SUSD4: variants seen among roughly 807,000 people sequenced by gnomAD.
SUSD4 encodes the protein sushi domain-containing protein 4.
In SUSD4, 41 loss-of-function variants were observed where a neutral mutation model predicts 50.5. That is an observed-to-expected ratio of 0.81 (90% CI 0.63 to 1.05). The LOEUF (loss-of-function observed/expected upper bound fraction) is 1.05. Ranked by LOEUF, SUSD4 falls within the 50% of genes least tolerant of loss-of-function variation. SUSD4 has a pLI of 0.00. For missense variants in SUSD4, 580 were observed against 634.7 expected (o/e 0.91, Z 0.93); for synonymous variants, 257 against 257.3 (o/e 1.00, Z 0.01).
chr1:223,334,921 C>G (rs952659259), intron 2 of SUSD4, among the ~76,000 whole-genome samples: 1 of 152,136 alleles, frequency 6.6e-6, no homozygotes, highest in Non-Finnish European at 1.5e-5. Context: ...CATTCTAATG[C>G]CTTTGCATCC....
chr1:223,351,874 G>A (rs747049651), intron 2 of SUSD4, among the ~76,000 whole-genome samples: 48 of 152,088 alleles, frequency 3.2e-4, no homozygotes, highest in Non-Finnish European at 6.0e-4. Context: ...GGCTGGTACA[G>A]TCTTTTGCAT....
At chr1:223,268,993 A>G (rs1311753119) in intron 3 of SUSD4, among the ~76,000 whole-genome samples, 2 of 152,232 alleles carry the variant, frequency 1.3e-5, no homozygotes, top group African/African-American at 2.4e-5. Context: ...GTGGAAAAAG[A>G]GAAGTGTTGA....
Position 223,229,684 on chromosome 1 carries a change from A to G in SUSD4, c.725-296T>C, listed in dbSNP as rs1039724700. 6.6e-6 allele frequency among the ~76,000 whole-genome samples: 1 copy of G among 152,266 alleles called. No individual in the cohort carries two copies. Among genetic ancestry groups the G allele is most frequent in the African/African-American group, 2.4e-5 (1 of 41,478 alleles). On this transcript the variant is annotated intron_variant, in intron 5 of 8. Transcript: ENST00000366878. The surrounding 1 kb of genome is among the most constrained non-coding windows in gnomAD (Gnocchi z 4.7). ...TATGCCTATTTAATAGAGAGTATTA[A>G]GCTACTGTATTAATAATGCATGCTA...
intron 3 of SUSD4, among the ~76,000 whole-genome samples, chr1:223,286,007 G>A (rs1335757916): frequency 2.6e-5 from 4 of 152,192 alleles, no homozygotes; most frequent in Non-Finnish European, 4.4e-5. Context: ...AAAACAAAAA[G>A]TCCGGGGAAA....
At chr1:223,250,653 C>T (rs920446833) in intron 5 of SUSD4, among the ~76,000 whole-genome samples, 2 of 152,130 alleles carry the variant, frequency 1.3e-5, no homozygotes, top group Non-Finnish European at 1.5e-5. Flanking sequence ...GCAACGATTT[C>T]ATTATCTGCT....
chr1:223,347,053 T>G (rs1391067998), intron 2 of SUSD4, among the ~76,000 whole-genome samples: 2 of 152,210 alleles, frequency 1.3e-5, no homozygotes, highest in Non-Finnish European at 2.9e-5. Context: ...GTTATTTTTC[T>G]TTTTTAAAAA....
intron 3 of SUSD4, among the ~76,000 whole-genome samples, chr1:223,282,771 T>G (rs1043191651): frequency 1.6e-4 from 25 of 152,300 alleles, no homozygotes; most frequent in Middle Eastern, 3.4e-3. Context: ...AAAAAGAGCC[T>G]GCATTGCCAA....
rs753747457 is a variant in SUSD4, at chr1:223,227,604, A to C, written c.1051T>G (p.Phe351Val). The change falls in exon 7 of 9, where the codon TTT (phenylalanine) becomes GTT (valine). Residue 351 changes from phenylalanine (F) to valine (V), a missense_variant. By Grantham distance (50) the Phe-to-Val change is conservative (BLOSUM62 -1). Transcript: ENST00000366878. The surrounding 1 kb of genome is among the most constrained non-coding windows in gnomAD (Gnocchi z 4.5). The part of the protein sequence containing the change: ...RMFQTKFKAH[F>V]PPRGPPRSSS... ...AGACATGACACTGACCTGGGGGGAA[A>C]GTGGGCCTTGAACTTGGTCTGGAAC... 1 of 1,613,736 alleles carries C rather than the reference A, an allele frequency of 6.2e-7. No individual in the cohort carries two copies. The highest frequency in any genetic ancestry group is 1.1e-5 in the South Asian group (1 of 90,964).
chr1:223,323,892 C>A (rs1666729723), intron 2 of SUSD4, among the ~76,000 whole-genome samples: 1 of 151,856 alleles, frequency 6.6e-6, no homozygotes, highest in African/African-American at 2.4e-5. Context: ...GATAGAAAGT[C>A]TGAACCTGGA....
At chr1:223,300,702 G>T (rs892734184) in intron 2 of SUSD4, among the ~76,000 whole-genome samples, 1 of 152,150 alleles carries the variant, frequency 6.6e-6, no homozygotes, top group Admixed American at 6.5e-5. Flanking sequence ...TAGTGAGAGG[G>T]TCCTGGGGCT....
chr1:223,278,083 C>T (rs1262199336), intron 3 of SUSD4, among the ~76,000 whole-genome samples: 3 of 152,078 alleles, frequency 2.0e-5, no homozygotes, highest in Non-Finnish European at 4.4e-5. Context: ...GAACCAGTCC[C>T]GAGTTCCAAG....
Position 223,220,917 on chromosome 1 carries a change from A to T in SUSD4, c.*1275T>A, listed in dbSNP as rs980913865. On this transcript the variant is annotated 3_prime_UTR_variant, in exon 9 of 9. Coordinates refer to ENST00000366878, the MANE Select transcript of SUSD4 (RefSeq NM_017982.4). ...CCCTCACCACTCTATCAGCATAGCA[A>T]TTTTAAGGATCAGAGCTTTGTTTAC... 2.5e-6 allele frequency: 1 copy of T among 399,666 alleles called. No individual in the cohort carries two copies. Among genetic ancestry groups the T allele is most frequent in the South Asian group, 1.4e-4 (1 of 7,346 alleles). 24.8% of individuals were successfully genotyped at this position (399,666 alleles called of 1,614,324 possible). A position where few individuals can be genotyped will look rare whatever the true frequency, so the allele number is the denominator to read the frequency against.
chr1:223,364,434 G>A (rs1427745953), upstream of SUSD4, among the ~76,000 whole-genome samples: 1 of 148,250 alleles, frequency 6.7e-6, no homozygotes, highest in Non-Finnish European at 1.5e-5. The surrounding 1 kb of genome is among the most constrained non-coding windows in gnomAD (Gnocchi z 4.5). Context: ...CAACCCAGCC[G>A]GCGCCGCGGC....
intron 2 of SUSD4, among the ~76,000 whole-genome samples, chr1:223,338,458 G>A (rs1667575567): frequency 6.6e-6 from 1 of 152,186 alleles, no homozygotes; most frequent in African/African-American, 2.4e-5. Flanking sequence ...GGCTTTGTGT[G>A]CTATGCTTTG....
chr1:223,301,562 T>TC (rs1241942096), intron 2 of SUSD4, among the ~76,000 whole-genome samples: 1 of 152,076 alleles, frequency 6.6e-6, no homozygotes, highest in Non-Finnish European at 1.5e-5. Flanking sequence ...TAAGAGCTTT[T>TC]CCCCCCTTAC....
chr1:223,296,809 C>G (rs567072218), intron 2 of SUSD4, among the ~76,000 whole-genome samples: 6 of 152,180 alleles, frequency 3.9e-5, no homozygotes, highest in African/African-American at 1.4e-4. Flanking sequence ...CTCTGCACTT[C>G]TCCTTGCTGC....
At chr1:223,238,220 T>C (rs1415126730) in intron 5 of SUSD4, among the ~76,000 whole-genome samples, 1 of 151,978 alleles carries the variant, frequency 6.6e-6, no homozygotes, top group Non-Finnish European at 1.5e-5. Flanking sequence ...ATATTAGCAA[T>C]TTATGTTCTT....
At chr1:223,314,881 C>A (rs1430629206) in intron 2 of SUSD4, among the ~76,000 whole-genome samples, 2 of 152,156 alleles carry the variant, frequency 1.3e-5, no homozygotes, top group Non-Finnish European at 2.9e-5. Flanking sequence ...CTAATACACT[C>A]CAGAAATCTT....
intron 2 of SUSD4, among the ~76,000 whole-genome samples, chr1:223,353,000 T>G (rs181516954): frequency 6.6e-6 from 1 of 152,176 alleles, no homozygotes; most frequent in Non-Finnish European, 1.5e-5. Flanking sequence ...ATCACTCGCC[T>G]GCTTCACATG....
Sources: gnomAD v4.1 joint callset for allele counts (sites outside exome capture counted in the v4.1 genomes callset) on GRCh38, gnomAD v4.1.1 for gene constraint, Gnocchi (gnomAD v3.1) non-coding constraint, MANE v1.5 for transcripts, NCBI Gene and HGNC (gene_info 2026-07-23, HGNC 2026-07-21) for gene names.